Variants in PDE1A observed in about 807,000 individuals in gnomAD.
PDE1A encodes dual specificity calcium/calmodulin-dependent 3',5'-cyclic nucleotide phosphodiesterase 1A.
Under a neutral mutation model 61.7 loss-of-function variants are expected in PDE1A, and 35 were observed. The observed-to-expected ratio is 0.57, with a 90% confidence interval of 0.43 to 0.75. The LOEUF is 0.75. PDE1A is among the 30% of genes least tolerant of loss of function. The pLI, the probability that PDE1A is intolerant of heterozygous loss-of-function variation, is 0.00. For synonymous variants in PDE1A, 232 were observed against 213.2 expected (o/e 1.09, Z -0.77); for missense variants, 597 against 630.6 (o/e 0.95, Z 0.57).
intron 7 of PDE1A, among the ~76,000 whole-genome samples, chr2:182,221,810 C>T (rs1405810320): frequency 6.6e-6 from 1 of 152,016 alleles, no homozygotes; most frequent in Non-Finnish European, 1.5e-5. Context: ...TCTCACTCCT[C>T]AATTCTGCCA....
the PDE1A span, among the ~76,000 whole-genome samples, chr2:182,666,273 C>T: frequency 6.6e-6 from 1 of 152,096 alleles, no homozygotes; most frequent in Non-Finnish European, 1.5e-5. Context: ...AATTAATAAA[C>T]ACACATAAAT....
intron 11 of PDE1A, among the ~76,000 whole-genome samples, chr2:182,188,576 T>C (rs1439044407): frequency 1.3e-5 from 2 of 152,206 alleles, no homozygotes; most frequent in African/African-American, 4.8e-5. Flanking sequence ...AAATGAAATG[T>C]GCACTACTAT....
chr2:182,359,509 C>G (rs1451966756), intron 1 of PDE1A, among the ~76,000 whole-genome samples: 1 of 152,078 alleles, frequency 6.6e-6, no homozygotes, highest in African/African-American at 2.4e-5. Flanking sequence ...GTTTCTGGGT[C>G]TAAGAATTTG....
the PDE1A span, among the ~76,000 whole-genome samples, chr2:182,656,989 C>G: frequency 6.6e-6 from 1 of 152,114 alleles, no homozygotes; most frequent in African/African-American, 2.4e-5. Context: ...CTTTGGGAGG[C>G]CAAGGTGGGC....
At chr2:182,162,286 C>A (rs779526063) in intron 13 of PDE1A, among the ~76,000 whole-genome samples, 1 of 152,040 alleles carries the variant, frequency 6.6e-6, no homozygotes, top group African/African-American at 2.4e-5. Context: ...GCAAGGTGGG[C>A]GTAGTTACTG....
intron 1 of PDE1A, among the ~76,000 whole-genome samples, chr2:182,389,197 T>A (rs2125375927): frequency 6.6e-6 from 1 of 152,302 alleles, no homozygotes; most frequent in African/African-American, 2.4e-5. Flanking sequence ...ATGCAGTCTT[T>A]TTTACATTAT....
chr2:182,442,788 A>T (rs1157019493), intron 2 of PDE1A, among the ~76,000 whole-genome samples: 1 of 152,062 alleles, frequency 6.6e-6, no homozygotes, highest in African/African-American at 2.4e-5. Context: ...ATAGATTTTA[A>T]AAGGTCAAAG....
intron 1 of PDE1A, among the ~76,000 whole-genome samples, chr2:182,385,698 G>A (rs965829833): frequency 1.3e-5 from 2 of 149,288 alleles, no homozygotes; most frequent in African/African-American, 2.5e-5. Context: ...AAAGAAAAAA[G>A]AAAGAGCTCT....
At chr2:182,353,956 T>C (rs566274371) in intron 1 of PDE1A, among the ~76,000 whole-genome samples, 1 of 152,274 alleles carries the variant, frequency 6.6e-6, no homozygotes, top group South Asian at 2.1e-4. Context: ...AGTAAATCTA[T>C]GTACTGTATA....
chr2:182,261,754 G>A (rs1409683101), intron 2 of PDE1A, among the ~76,000 whole-genome samples: 2 of 152,014 alleles, frequency 1.3e-5, no homozygotes, highest in Non-Finnish European at 2.9e-5. Flanking sequence ...GAAAGGAAAT[G>A]CACCAGAAAA....
chr2:182,286,337 C>G (rs2125869175), intron 1 of PDE1A, among the ~76,000 whole-genome samples: 1 of 152,222 alleles, frequency 6.6e-6, no homozygotes, highest in South Asian at 2.1e-4. Context: ...GATTTTCAAT[C>G]AAGTTTTTTT....
At chr2:182,366,664 G>C (rs1332373802) in intron 1 of PDE1A, among the ~76,000 whole-genome samples, 4 of 151,998 alleles carry the variant, frequency 2.6e-5, no homozygotes, top group Non-Finnish European at 5.9e-5. Flanking sequence ...AAGCCAGACT[G>C]TTTATGTAAA....
At chr2:182,571,867 CATT>C in the PDE1A span, among the ~76,000 whole-genome samples, 963 of 152,208 alleles carry the variant, frequency 6.3e-3, 9 homozygotes, top group African/African-American at 0.022. Context: ...AACCATGTCT[CATT>C]ATCCAGAAAA....
chr2:182,551,189 A>T, the PDE1A span, among the ~76,000 whole-genome samples: 1 of 152,214 alleles, frequency 6.6e-6, no homozygotes, highest in African/African-American at 2.4e-5. Flanking sequence ...GTGCAAAGAA[A>T]GCTCAGAGCA....
intron 2 of PDE1A, among the ~76,000 whole-genome samples, chr2:182,499,720 C>A (rs1220325879): frequency 6.6e-6 from 1 of 152,204 alleles, no homozygotes; most frequent in Non-Finnish European, 1.5e-5. Context: ...TTTGAACCAA[C>A]TAACCTGTAT....
chr2:182,576,586 G>T, the PDE1A span, among the ~76,000 whole-genome samples: 1 of 152,252 alleles, frequency 6.6e-6, no homozygotes, highest in South Asian at 2.1e-4. Context: ...ATAAACAGAA[G>T]TGAAATTGCT....
At chr2:182,211,302 C>T (rs1393324636) in intron 7 of PDE1A, among the ~76,000 whole-genome samples, 1 of 152,172 alleles carries the variant, frequency 6.6e-6, no homozygotes, top group Non-Finnish European at 1.5e-5. Context: ...GCTTTTACTC[C>T]TTTGTCAAAG....
At chr2:182,547,990 C>T in the PDE1A span, among the ~76,000 whole-genome samples, 4 of 151,728 alleles carry the variant, frequency 2.6e-5, no homozygotes, top group African/African-American at 9.7e-5. Flanking sequence ...ATGGGAATTG[C>T]TTACCCTAAA....
At chr2:182,142,975 A>C (rs891831956), downstream of PDE1A, 1 of 152,242 alleles carries the variant, frequency 6.6e-6, no homozygotes, top group Admixed American at 6.5e-5. Flanking sequence ...TCTATGTTGA[A>C]AGAAGAGCCA....
Sources: gnomAD v4.1 joint callset for allele counts (sites outside exome capture counted in the v4.1 genomes callset) on GRCh38, gnomAD v4.1.1 for gene constraint, MANE v1.5 for transcripts, NCBI Gene and HGNC (gene_info 2026-07-23, HGNC 2026-07-21) for gene names.